The following PGM5 variants were observed in gnomAD, a reference collection of about 807,000 sequenced individuals.
PGM5 encodes the protein phosphoglucomutase 5.
PGM5 carries 23 observed loss-of-function variants against 59.2 expected under a neutral mutation model. That is an observed-to-expected ratio of 0.39 (90% CI 0.28 to 0.55). The LOEUF (loss-of-function observed/expected upper bound fraction) is 0.55. PGM5 is among the 20% of genes least tolerant of loss of function. PGM5 has a pLI of 0.66. For missense variants in PGM5, 574 were observed against 748.3 expected, an observed-to-expected ratio of 0.77 and a Z score of 2.72; for synonymous variants, 214 against 286.0, an observed-to-expected ratio of 0.75 and a Z score of 2.54.
intron 6 of PGM5, among the ~76,000 whole-genome samples, chr9:68,401,645 C>T (rs373272942): frequency 0.034 from 5,174 of 151,672 alleles, 103 homozygotes; most frequent in Non-Finnish European, 0.048. Flanking sequence ...GAACATGTGG[C>T]GTGCTGTTGT....
intron 10 of PGM5, among the ~76,000 whole-genome samples, chr9:68,520,856 G>A (rs111882770): frequency 4.6e-5 from 7 of 152,306 alleles, no homozygotes; most frequent in African/African-American, 1.7e-4. Flanking sequence ...GTCTTCAGAA[G>A]GACAAGCATC....
chr9:68,510,213 G>A (rs974354752), intron 10 of PGM5, among the ~76,000 whole-genome samples: 3 of 138,800 alleles, frequency 2.2e-5, no homozygotes, highest in East Asian at 2.2e-4. Context: ...GTGCAGTGGC[G>A]CAATCTCAGC....
chr9:68,449,164 G>T (rs950541091), intron 6 of PGM5, among the ~76,000 whole-genome samples: 3 of 152,170 alleles, frequency 2.0e-5, no homozygotes, highest in Non-Finnish European at 4.4e-5. Context: ...ATTTATGAGG[G>T]CTTCACCTTC....
At chr9:68,527,688 C>T (rs562120248) in intron 10 of PGM5, among the ~76,000 whole-genome samples, 1 of 152,128 alleles carries the variant, frequency 6.6e-6, no homozygotes, top group African/African-American at 2.4e-5. Context: ...AGGAAAGTGC[C>T]ACTTTCTTGT....
chr9:68,496,326 G>C (rs1316273769), intron 9 of PGM5, among the ~76,000 whole-genome samples: 2 of 152,320 alleles, frequency 1.3e-5, no homozygotes, highest in African/African-American at 2.4e-5. Context: ...ATCCAATACA[G>C]CTATTCACAC....
At chr9:68,528,866 A>G (rs1042323607) in intron 10 of PGM5, among the ~76,000 whole-genome samples, 1 of 152,196 alleles carries the variant, frequency 6.6e-6, no homozygotes, top group Admixed American at 6.5e-5. Flanking sequence ...TGAGTGTTGC[A>G]TGCTCCACAC....
intron 1 of PGM5, among the ~76,000 whole-genome samples, chr9:68,376,896 T>C (rs113197868): frequency 0.27 from 31,332 of 118,180 alleles, 5,332 homozygotes; most frequent in South Asian, 0.4. Context: ...TTTTCTTTCT[T>C]TCTCTCTCTT....
At chr9:68,406,594 C>T (rs1214681826) in intron 6 of PGM5, 2 of 143,550 alleles carry the variant, frequency 1.4e-5, no homozygotes, top group African/African-American at 2.6e-5. Context: ...GAAGTTTCAA[C>T]AGAAATTTTG....
intron 6 of PGM5, among the ~76,000 whole-genome samples, chr9:68,409,494 G>T (rs1360578301): frequency 7.6e-6 from 1 of 130,954 alleles, no homozygotes; most frequent in Non-Finnish European, 1.6e-5. Flanking sequence ...AACAATGATA[G>T]ACTGGATTAA....
At chr9:68,528,861 G>T (rs955716361) in intron 10 of PGM5, among the ~76,000 whole-genome samples, 1 of 152,206 alleles carries the variant, frequency 6.6e-6, no homozygotes, top group Middle Eastern at 3.2e-3. Flanking sequence ...CATTGTGAGT[G>T]TTGCATGCTC....
chr9:68,455,906 AT>A (rs1483026169), intron 6 of PGM5, among the ~76,000 whole-genome samples: 41 of 152,166 alleles, frequency 2.7e-4, no homozygotes, highest in African/African-American at 9.9e-4. Flanking sequence ...AGAACATACA[AT>A]TTCTTTTTTG....
chr9:68,490,649 C>T (rs560870470), intron 9 of PGM5, among the ~76,000 whole-genome samples: 1 of 152,348 alleles, frequency 6.6e-6, no homozygotes, highest in South Asian at 2.1e-4. Context: ...GCCACTGCGC[C>T]TGACCTCAAC....
chr9:68,407,121 C>G (rs1185156403), intron 6 of PGM5, among the ~76,000 whole-genome samples: 4 of 151,758 alleles, frequency 2.6e-5, no homozygotes, highest in Non-Finnish European at 4.4e-5. Flanking sequence ...AGTTAGTGAC[C>G]TAGGAATAGA....
intron 10 of PGM5, among the ~76,000 whole-genome samples, chr9:68,529,351 G>T (rs1354738858): frequency 2.0e-5 from 3 of 152,022 alleles, no homozygotes; most frequent in African/African-American, 7.3e-5. Context: ...TTTTGAAGCT[G>T]GTTAAGACTT....
chr9:68,401,891 G>A (rs145339917), intron 6 of PGM5, among the ~76,000 whole-genome samples: 1 of 6,052 alleles, frequency 1.7e-4, no homozygotes, highest in Admixed American at 2.1e-3. Flanking sequence ...ATATATATAT[G>A]TGTGTGTGTG....
At chr9:68,494,463 C>T (rs529080740) in intron 9 of PGM5, among the ~76,000 whole-genome samples, 1 of 151,980 alleles carries the variant, frequency 6.6e-6, no homozygotes, top group South Asian at 2.1e-4. Flanking sequence ...GGCAAGTGAC[C>T]CAGAAAAAAG....
rs1482239529 is a variant in PGM5, at chr9:68,413,373, G to T, written c.1043+20900G>T. Among the ~76,000 whole-genome samples, 4 of 151,762 alleles carry T rather than the reference G, an allele frequency of 2.6e-5. No individual in the cohort carries two copies. In the South Asian group the frequency reaches 6.2e-4, roughly 24 times the overall value. ...TCAATGGAGGGAAATTCTCCCCAAG[G>T]GTTTCCCAAATATTTTCAGAAACAG... On this transcript the variant is annotated intron_variant, in intron 6 of 10. Coordinates refer to ENST00000396396, the MANE Select transcript of PGM5 (RefSeq NM_021965.4).
At chr9:68,386,008 G>C (rs1822208087) in intron 3 of PGM5, among the ~76,000 whole-genome samples, 1 of 151,466 alleles carries the variant, frequency 6.6e-6, no homozygotes, top group East Asian at 1.9e-4. Flanking sequence ...AGTGTCAAGA[G>C]CATGAACTAT....
chr9:68,436,337 T>C (rs1823441218), intron 6 of PGM5, among the ~76,000 whole-genome samples: 1 of 152,188 alleles, frequency 6.6e-6, no homozygotes, highest in Non-Finnish European at 1.5e-5. Flanking sequence ...AGGTAAGACT[T>C]AGTGGGAGTA....
Sources: gnomAD v4.1 joint callset for allele counts (sites outside exome capture counted in the v4.1 genomes callset) on GRCh38, gnomAD v4.1.1 for gene constraint, MANE v1.5 for transcripts, NCBI Gene and HGNC (gene_info 2026-07-23, HGNC 2026-07-21) for gene names.